The following SDHA variants were observed in gnomAD, a reference collection of about 807,000 sequenced individuals.
The protein encoded by SDHA is succinate dehydrogenase [ubiquinone] flavoprotein subunit, mitochondrial.
A neutral mutation model predicts 78.4 loss-of-function variants in SDHA; 48 were observed. The ratio of observed to expected loss-of-function variants is 0.61; its 90% confidence interval spans 0.49 to 0.78. SDHA has a LOEUF of 0.78. SDHA is among the 30% of genes least tolerant of loss of function. The pLI is 0.00. For missense variants in SDHA, 680 were observed against 892.7 expected (o/e 0.76, Z 3.04); for synonymous variants, 326 against 353.9 (o/e 0.92, Z 0.88).
rs993524168 is a variant in SDHA, at chr5:254,357, G to C, written c.1795-36G>C. On this transcript the variant is annotated intron_variant, in intron 13 of 14. Transcript: ENST00000264932. ...GTGTTTTTTCTGTATTGCTCTGTTAGAGTAATAAGAAACGTGATGGTGTTT... is the reference window on the plus strand; with the variant it reads ...GTGTTTTTTCTGTATTGCTCTGTTACAGTAATAAGAAACGTGATGGTGTTT... 2 of 1,548,746 alleles carry C rather than the reference G, an allele frequency of 1.3e-6. No individual in the cohort carries two copies. Among genetic ancestry groups the C allele is most frequent in the African/African-American group, 2.7e-5 (2 of 72,774 alleles).
At chr5:253,576 T>C (rs925951737) in intron 13 of SDHA, among the ~76,000 whole-genome samples, 1 of 136,746 alleles carries the variant, frequency 7.3e-6, no homozygotes, top group African/African-American at 3.5e-5. Context: ...GCAGCTGGGA[T>C]TACAGACACA....
At chr5:257,332 C>T (rs946901629), downstream of SDHA, among the ~76,000 whole-genome samples, 36 of 152,180 alleles carry the variant, frequency 2.4e-4, no homozygotes, top group African/African-American at 7.5e-4. Context: ...AGCTCCACCC[C>T]CTGCCAGAGC....
At chr5:233,132 C>G (rs1453299452) in intron 7 of SDHA, among the ~76,000 whole-genome samples, 3 of 152,182 alleles carry the variant, frequency 2.0e-5, no homozygotes, top group Non-Finnish European at 2.9e-5. Flanking sequence ...CTAGTCACCA[C>G]AGTATCATAG....
chr5:224,207 G>A (rs368580207), intron 2 of SDHA, among the ~76,000 whole-genome samples, 153 bp from the exon 3 acceptor site: 9 of 152,148 alleles, frequency 5.9e-5, no homozygotes, highest in African/African-American at 1.2e-4. Context: ...ACCTCTCCCC[G>A]AACTGTTCAG....
the SDHA span, among the ~76,000 whole-genome samples, chr5:266,922 T>C: frequency 6.6e-4 from 85 of 128,416 alleles, no homozygotes; most frequent in Admixed American, 7.6e-4. Flanking sequence ...GTGGCCGCTG[T>C]GTCTAAGATA....
At chr5:266,554 T>C in the SDHA span, among the ~76,000 whole-genome samples, 1 of 152,274 alleles carries the variant, frequency 6.6e-6, no homozygotes, top group South Asian at 2.1e-4. Flanking sequence ...ATATTGAAAA[T>C]GTTTTATAAA....
intron 9 of SDHA, 170 bp downstream of exon 9, chr5:235,509 G>T (rs1735722818): frequency 1.4e-6 from 1 of 712,474 alleles, no homozygotes; most frequent in Admixed American, 2.3e-5. Flanking sequence ...GGATGGAGGG[G>T]GCTTAATAAT....
chr5:226,045 A>T lies in SDHA; in HGVS notation c.619A>T (p.Arg207Trp), dbSNP rs6555055. The change falls in exon 5 of 15, where the codon AGG (arginine) becomes TGG (tryptophan). Residue 207 changes from arginine (R) to tryptophan (W), a missense_variant and splice_region_variant. Transcript: ENST00000264932. ...GHSLLHTLYG[R>W]SLRYDTSYFV... ...CTCGCTATTGCACACCTTATATGGA[A>T]GGGTAAGGCCGCCCCCGTCCACCTG... 1 of 1,613,974 alleles carries T rather than the reference A, an allele frequency of 6.2e-7. No homozygotes were observed. Among genetic ancestry groups the T allele is most frequent in the Non-Finnish European group, 8.5e-7 (1 of 1,180,000 alleles).
Position 228,269 on chromosome 5 carries a change from GCA to G in SDHA, c.708_709del (p.Leu237ValfsTer83). 6.2e-7 allele frequency: 1 copy of G among 1,613,688 alleles called. No homozygotes were observed. The highest frequency in any genetic ancestry group is 1.1e-5 in the South Asian group (1 of 91,058). On this transcript the variant is annotated frameshift_variant, in exon 6 of 15. Coordinates refer to ENST00000264932, the MANE Select transcript of SDHA (RefSeq NM_004168.4). LOFTEE classifies it high-confidence loss of function. ...MENGECRGVI[A>X]LCIEDGSIHR... ...GAATGGGGAGTGCCGTGGTGTCATCGCACTGTGCATAGAGGACGGGTCCATCC... is the reference window on the plus strand; with the variant it reads ...GAATGGGGAGTGCCGTGGTGTCATCGCTGTGCATAGAGGACGGGTCCATCC...
chr5:245,233 G>A, intron 11 of SDHA, among the ~76,000 whole-genome samples: 1 of 152,150 alleles, frequency 6.6e-6, no homozygotes, highest in Non-Finnish European at 1.5e-5. Context: ...TGACTTAAGA[G>A]CCATTAATTC....
At chr5:226,191 G>A (rs753964643) in intron 5 of SDHA, 144 bp downstream of exon 5, 98 of 906,486 alleles carry the variant, frequency 1.1e-4, no homozygotes, top group African/African-American at 1.8e-4. Flanking sequence ...CGCATGCAGC[G>A]ACTGTGGATG....
chr5:262,607 C>G, the SDHA span, among the ~76,000 whole-genome samples: 1 of 152,162 alleles, frequency 6.6e-6, no homozygotes, highest in Non-Finnish European at 1.5e-5. Context: ...CCACACTTGT[C>G]CGTGGAAAAA....
At chr5:239,979 G>C (rs1200039977) in intron 10 of SDHA, among the ~76,000 whole-genome samples, 1 of 152,108 alleles carries the variant, frequency 6.6e-6, no homozygotes, top group African/African-American at 2.4e-5. Context: ...ATGTTGGCCA[G>C]GCTGCTCTTG....
At chr5:245,312 C>T (rs1052960552) in intron 11 of SDHA, among the ~76,000 whole-genome samples, 2 of 152,170 alleles carry the variant, frequency 1.3e-5, no homozygotes, top group Admixed American at 1.3e-4. Flanking sequence ...AAAAATTGGC[C>T]TTTAATAGTC....
At chr5:256,247 T>C in intron 14 of SDHA, 87 bp from the exon 15 acceptor site, 1 of 962,266 alleles carries the variant, frequency 1.0e-6, no homozygotes, top group Non-Finnish European at 1.7e-6. Context: ...AAATCTACTT[T>C]TATAGTTAAA....
chr5:242,187 G>C (rs1229885065), intron 11 of SDHA, among the ~76,000 whole-genome samples: 1 of 152,106 alleles, frequency 6.6e-6, no homozygotes, highest in Non-Finnish European at 1.5e-5. Context: ...AAAGAAATGA[G>C]GTAAATTTTT....
intron 13 of SDHA, among the ~76,000 whole-genome samples, chr5:253,886 CGT>C (rs1334732119): frequency 6.6e-6 from 1 of 152,046 alleles, no homozygotes; most frequent in Non-Finnish European, 1.5e-5. Flanking sequence ...CATGGCGAAA[CGT>C]GTCTCTACAA....
intron 3 of SDHA, 28 bp downstream of exon 3, chr5:224,549 C>T (rs2126543621): frequency 1.2e-6 from 2 of 1,610,158 alleles, no homozygotes; most frequent in Middle Eastern, 2.2e-4. Flanking sequence ...CACTGTGCTC[C>T]CACTCCGTGC....
chr5:225,550 C>T lies in SDHA; in HGVS notation c.444C>T (p.Ala148=), dbSNP rs367618662. The stretch of plus-strand genomic sequence containing the variant: ...ACTACATGACGGAGCAGGCCCCCGC[C>T]GCCGTGGTCGAGGTGATGGGCGGGA... The part of the protein sequence containing the change: ...AIHYMTEQAP[A]AVVELENYGM... The change falls in exon 4 of 15, where the codon GCC becomes GCT. Residue 148 remains alanine (A), a synonymous_variant. Transcript: ENST00000264932. 8.1e-6 allele frequency: 13 copies of T among 1,613,636 alleles called. No individual in the cohort carries two copies. Among genetic ancestry groups the T allele is most frequent in the African/African-American group, 6.7e-5 (5 of 74,860 alleles).
Sources: gnomAD v4.1 joint callset for allele counts (sites outside exome capture counted in the v4.1 genomes callset) on GRCh38, gnomAD v4.1.1 for gene constraint, MANE v1.5 for transcripts, NCBI Gene and HGNC (gene_info 2026-07-23, HGNC 2026-07-21) for gene names.